Variants in NEK5 observed in about 807,000 individuals in gnomAD.
The protein encoded by NEK5 is NIMA related kinase 5, also known as serine/threonine-protein kinase Nek5.
A neutral mutation model predicts 109.2 loss-of-function variants in NEK5; 88 were observed. The observed-to-expected ratio is 0.81, with a 90% confidence interval of 0.68 to 0.96. The LOEUF is 0.96. Ranked by LOEUF, NEK5 falls within the 40% of genes least tolerant of loss-of-function variation. The pLI, the probability that NEK5 is intolerant of heterozygous loss-of-function variation, is 0.00. For synonymous variants in NEK5, 283 were observed against 299.9 expected (o/e 0.94, Z 0.58); for missense variants, 834 against 920.7 (o/e 0.91, Z 1.22).
Position 52,037,180 on chromosome 13 carries a change from ACTT to A in NEK5, c.2264_2266del (p.Glu755del). On this transcript the variant is annotated inframe_deletion, in exon 24 of 24. Transcript: ENST00000684899. ...AGCGAGTTTTTCTAAGTATTCTACT[ACTT>A]CATCTCTCAACTCATCTTCAGATTC... is the stretch of plus-strand genomic sequence containing the variant. 3 of 984,774 alleles carry A rather than the reference ACTT, an allele frequency of 3.0e-6. No individual in the cohort carries two copies. The highest frequency in any genetic ancestry group is 3.6e-6 in the Non-Finnish European group (3 of 829,386). 61.0% of individuals were successfully genotyped at this position (984,774 alleles called of 1,614,324 possible). A position where few individuals can be genotyped will look rare whatever the true frequency, so the allele number is the denominator to read the frequency against.
chr13:52,107,102 T>C (rs1350510748), intron 8 of NEK5, among the ~76,000 whole-genome samples: 1 of 152,164 alleles, frequency 6.6e-6, no homozygotes, highest in Non-Finnish European at 1.5e-5. Flanking sequence ...CAATTTTCGA[T>C]GTTATTTTTT....
chr13:52,093,493 G>A (rs1438725942), intron 12 of NEK5, among the ~76,000 whole-genome samples: 1 of 152,056 alleles, frequency 6.6e-6, no homozygotes, highest in African/African-American at 2.4e-5. Flanking sequence ...CCAGGAGGTG[G>A]AGGTTGCAGT....
chr13:52,060,441 G>C (rs890723671), intron 22 of NEK5, among the ~76,000 whole-genome samples: 1 of 151,736 alleles, frequency 6.6e-6, no homozygotes, highest in African/African-American at 2.4e-5. Context: ...TGCAACCTCC[G>C]CCACCCGGGT....
At chr13:52,068,841 C>T (rs529068175) in intron 20 of NEK5, among the ~76,000 whole-genome samples, 1 of 151,888 alleles carries the variant, frequency 6.6e-6, no homozygotes, top group African/African-American at 2.4e-5. Context: ...GGCGTGGTGG[C>T]GCGCACCTAT....
At chr13:52,072,874 A>G (rs962584537) in intron 19 of NEK5, among the ~76,000 whole-genome samples, 8 of 152,260 alleles carry the variant, frequency 5.3e-5, no homozygotes, top group African/African-American at 1.9e-4. Flanking sequence ...AAATGGAAAA[A>G]TAAACCAATT....
chr13:52,110,685 T>C lies in NEK5; in HGVS notation c.313-108A>G, dbSNP rs76624323. 581 of 519,638 alleles carry C rather than the reference T, an allele frequency of 1.1e-3. 2 individuals carry two copies. Among genetic ancestry groups the C allele is most frequent in the African/African-American group, 6.9e-3 (363 of 52,832 alleles). 32.2% of individuals were successfully genotyped at this position (519,638 alleles called of 1,614,324 possible). A position where few individuals can be genotyped will look rare whatever the true frequency, so the allele number is the denominator to read the frequency against. Reference sequence around the variant, plus strand: ...AATTATACACACACACACACACACATACACACATATAGTGTATGTGTATTT... The same window carrying C: ...AATTATACACACACACACACACACACACACACATATAGTGTATGTGTATTT... On this transcript the variant is annotated intron_variant, in intron 5 of 23. Coordinates refer to ENST00000684899, the MANE Select transcript of NEK5 (RefSeq NM_001365552.1).
At chr13:52,064,823 C>T (rs555710104) in intron 21 of NEK5, 10 of 241,898 alleles carry the variant, frequency 4.1e-5, no homozygotes, top group Non-Finnish European at 8.0e-5. Flanking sequence ...TGACCTTACC[C>T]CCAACCCTGT....
intron 9 of NEK5, 60 bp downstream of exon 9, chr13:52,104,438 G>A: frequency 2.5e-6 from 3 of 1,187,686 alleles, no homozygotes; most frequent in Non-Finnish European, 3.8e-6. Context: ...TCTCCCAGAA[G>A]TTAATTTCTT....
At chr13:52,051,722 G>A (rs1438199058) in intron 22 of NEK5, among the ~76,000 whole-genome samples, 4 of 152,184 alleles carry the variant, frequency 2.6e-5, no homozygotes, top group Non-Finnish European at 4.4e-5. Context: ...TGAAAACTAC[G>A]TCAGGCAAAC....
chr13:52,067,423 T>A lies in NEK5; in HGVS notation c.1850-1814A>T, dbSNP rs1052673564. Among the ~76,000 whole-genome samples the A allele has an allele frequency of 2.0e-5, 3 of 152,188 alleles. 1 individual carries two copies. Among genetic ancestry groups the A allele is most frequent in the South Asian group, 4.1e-4 (2 of 4,828 alleles). On this transcript the variant is annotated intron_variant, in intron 20 of 23. Coordinates refer to ENST00000684899, the MANE Select transcript of NEK5 (RefSeq NM_001365552.1). ...AGGGAACTAGCACAGGAAGCTTGCC[T>A]AAAACATGCCCACAGCTGCACAGAT... is the stretch of plus-strand genomic sequence containing the variant.
intron 16 of NEK5, among the ~76,000 whole-genome samples, chr13:52,084,877 C>T (rs1159582244): frequency 6.6e-6 from 1 of 151,320 alleles, no homozygotes; most frequent in African/African-American, 2.4e-5. Context: ...CTCAAGCAAT[C>T]CTCCCACCTC....
Position 52,034,228 on chromosome 13 carries a change from G to A in NEK5, c.*2720C>T, listed in dbSNP as rs1043882253. 3.3e-5 allele frequency: 5 copies of A among 152,128 alleles called. No individual in the cohort carries two copies. Among genetic ancestry groups the A allele is most frequent in the African/African-American group, 9.7e-5 (4 of 41,422 alleles). The allele number at this position is 152,128 out of a possible 1,614,324, so 9.4% of individuals were successfully genotyped here. On this transcript the variant is annotated 3_prime_UTR_variant, in exon 24 of 24. Coordinates refer to ENST00000684899, the MANE Select transcript of NEK5 (RefSeq NM_001365552.1). The stretch of plus-strand genomic sequence containing the variant: ...GTCTGGTGAACAGTTTCAATTTAAC[G>A]GATGAGGCCAAGGCTAAAGCCAGAG...
chr13:52,075,368 A>G (rs968144743), intron 19 of NEK5, among the ~76,000 whole-genome samples: 1 of 152,194 alleles, frequency 6.6e-6, no homozygotes, highest in African/African-American at 2.4e-5. Context: ...ACATAGGGAT[A>G]GAAAACCAAT....
intron 19 of NEK5, among the ~76,000 whole-genome samples, chr13:52,074,271 G>T (rs993554074): frequency 6.6e-6 from 1 of 152,066 alleles, no homozygotes; most frequent in Admixed American, 6.6e-5. Flanking sequence ...TATGGTACTG[G>T]TTCAAAAACA....
At chr13:52,043,309 T>C (rs1954429259) in intron 23 of NEK5, among the ~76,000 whole-genome samples, 1 of 150,670 alleles carries the variant, frequency 6.6e-6, no homozygotes, top group African/African-American at 2.4e-5. Flanking sequence ...GAGGCTGAGG[T>C]GGGTGAATCA....
At chr13:52,113,862 C>T (rs977887238) in intron 4 of NEK5, among the ~76,000 whole-genome samples, 1 of 152,166 alleles carries the variant, frequency 6.6e-6, no homozygotes, top group Admixed American at 6.5e-5. Flanking sequence ...AGAACCCTCT[C>T]CCCTTCCACC....
chr13:52,089,960 T>C (rs1032465629), intron 13 of NEK5, among the ~76,000 whole-genome samples: 1 of 140,498 alleles, frequency 7.1e-6, no homozygotes, highest in Non-Finnish European at 1.6e-5. Flanking sequence ...AGACTCCATC[T>C]CAAAAAAAAA....
intron 13 of NEK5, among the ~76,000 whole-genome samples, chr13:52,089,612 T>C (rs998141268): frequency 5.9e-5 from 9 of 152,146 alleles, no homozygotes; most frequent in Non-Finnish European, 1.5e-5. Flanking sequence ...CTCTATAATA[T>C]GTTGTGGGGA....
chr13:52,096,529 A>G (rs900473248), intron 12 of NEK5, among the ~76,000 whole-genome samples: 3 of 152,136 alleles, frequency 2.0e-5, no homozygotes, highest in Admixed American at 1.3e-4. Context: ...TTGTGCCACT[A>G]CCCTAGGGAT....
Sources: gnomAD v4.1 joint callset for allele counts (sites outside exome capture counted in the v4.1 genomes callset) on GRCh38, gnomAD v4.1.1 for gene constraint, MANE v1.5 for transcripts, NCBI Gene and HGNC (gene_info 2026-07-23, HGNC 2026-07-21) for gene names.